Variants in CNIH1 observed in about 807,000 individuals in gnomAD.
The protein encoded by CNIH1 is protein cornichon homolog 1.
Under a neutral mutation model 20.2 loss-of-function variants are expected in CNIH1, and 12 were observed. That is an observed-to-expected ratio of 0.59 (90% confidence interval 0.38 to 0.96). CNIH1 has a LOEUF of 0.96. Ranked by LOEUF, CNIH1 falls within the 40% of genes least tolerant of loss-of-function variation. CNIH1 has a pLI of 0.00. For missense variants in CNIH1, 152 were observed against 178.8 expected, an observed-to-expected ratio of 0.85 and a Z score of 0.85; for synonymous variants, 69 against 63.3, an observed-to-expected ratio of 1.09 and a Z score of -0.43.
chr14:54,430,816 GTTTT>G (rs751971542), intron 3 of CNIH1, among the ~76,000 whole-genome samples: 4 of 151,402 alleles, frequency 2.6e-5, no homozygotes, highest in African/African-American at 4.9e-5. Flanking sequence ...GTTTTTTTTG[GTTTT>G]TTGTTTTGTT....
chr14:54,430,470 C>G (rs1351521617), intron 3 of CNIH1, 66 bp from the exon 4 acceptor site: 1 of 1,481,270 alleles, frequency 6.8e-7, no homozygotes, highest in Non-Finnish European at 9.2e-7. Context: ...GAAAGCAGGT[C>G]TTTCTTCTAA....
chr14:54,430,253 C>T lies in CNIH1; in HGVS notation c.407+8G>A, dbSNP rs2030907059. 1 of 1,613,206 alleles carries T rather than the reference C, an allele frequency of 6.2e-7. No homozygotes were observed. Among genetic ancestry groups the T allele is most frequent in the Non-Finnish European group, 8.5e-7 (1 of 1,179,530 alleles). On this transcript the variant is annotated splice_region_variant and intron_variant, in intron 4 of 4. Transcript: ENST00000216416. ...GAAAGCATATTTCATTTTACCTTTT[C>T]AACTTACCCATATAGGTAGTAAAAA...
intron 1 of CNIH1, among the ~76,000 whole-genome samples, chr14:54,437,691 T>C (rs572357367): frequency 6.4e-4 from 91 of 141,288 alleles, no homozygotes; most frequent in African/African-American, 2.2e-3. Flanking sequence ...AAAAAAAAAA[T>C]GCAGAACTCA....
At position 54,427,589 on chromosome 14, in the gene CNIH1, T is replaced by G; in HGVS notation, c.*225A>C. 1 of 530,108 alleles carries G rather than the reference T, an allele frequency of 1.9e-6. No individual in the cohort carries two copies. The highest frequency in any genetic ancestry group is 3.3e-6 in the Non-Finnish European group (1 of 300,448). The allele number at this position is 530,108 out of a possible 1,614,324, so 32.8% of individuals were successfully genotyped here. ...AACACCAGAGGTAATCATTTTATATTAATTTATACGTAATACCATTTAAAA... is the reference window on the plus strand; with the variant it reads ...AACACCAGAGGTAATCATTTTATATGAATTTATACGTAATACCATTTAAAA... On this transcript the variant is annotated 3_prime_UTR_variant, in exon 5 of 5. Transcript: ENST00000216416.
chr14:54,439,408 C>T (rs1432840273), intron 1 of CNIH1, among the ~76,000 whole-genome samples: 1 of 151,922 alleles, frequency 6.6e-6, no homozygotes, highest in Non-Finnish European at 1.5e-5. Context: ...CCAAACACAA[C>T]CTGGTTCAAA....
chr14:54,426,610 C>T lies in CNIH1; in HGVS notation c.*1204G>A, dbSNP rs1594614677. ...AAGCAGCAGCAAAAACTCAAATTTACAAGCCATTTTACCTTAAAACTGACT... is the reference window on the plus strand; with the variant it reads ...AAGCAGCAGCAAAAACTCAAATTTATAAGCCATTTTACCTTAAAACTGACT... On this transcript the variant is annotated 3_prime_UTR_variant, in exon 5 of 5. Coordinates refer to ENST00000216416, the MANE Select transcript of CNIH1 (RefSeq NM_005776.3). 6.6e-6 allele frequency: 1 copy of T among 152,108 alleles called. No individual in the cohort carries two copies. Among genetic ancestry groups the T allele is most frequent in the Non-Finnish European group, 1.5e-5 (1 of 68,002 alleles). 9.4% of individuals were successfully genotyped at this position (152,108 alleles called of 1,614,324 possible). A position where few individuals can be genotyped will look rare whatever the true frequency, so the allele number is the denominator to read the frequency against.
intron 2 of CNIH1, 53 bp downstream of exon 2, chr14:54,436,316 T>G: frequency 9.2e-7 from 1 of 1,088,716 alleles, no homozygotes; most frequent in South Asian, 1.3e-5. Flanking sequence ...TACTTCAAGT[T>G]AAAAACAAAC....
chr14:54,436,137 C>G, intron 2 of CNIH1: 2 of 703,470 alleles, frequency 2.8e-6, no homozygotes, highest in South Asian at 3.0e-5. Flanking sequence ...CTTTGGCCGA[C>G]AATGTAAAAA....
At chr14:54,431,011 AG>A (rs1272284324) in intron 3 of CNIH1, among the ~76,000 whole-genome samples, 2 of 151,576 alleles carry the variant, frequency 1.3e-5, no homozygotes, top group African/African-American at 4.9e-5. Flanking sequence ...TTTTTTGTAG[AG>A]GGGGGTTTTG....
At position 54,426,706 on chromosome 14, in the gene CNIH1, A is replaced by C. The variant is rs2030834158; in HGVS notation, c.*1108T>G. On this transcript the variant is annotated 3_prime_UTR_variant, in exon 5 of 5. Coordinates refer to ENST00000216416, the MANE Select transcript of CNIH1 (RefSeq NM_005776.3). ...TAATTTTTCTTAATTGGTAAGAGAA[A>C]TGATGATGCTATGCCATCCACGTTT... is the stretch of plus-strand genomic sequence containing the variant. 6.6e-6 allele frequency: 1 copy of C among 152,226 alleles called. No individual in the cohort carries two copies. Among genetic ancestry groups the C allele is most frequent in the South Asian group, 2.1e-4 (1 of 4,838 alleles). 9.4% of individuals were successfully genotyped at this position (152,226 alleles called of 1,614,324 possible).
chr14:54,436,765 T>G (rs2140005773), intron 1 of CNIH1: 1 of 465,378 alleles, frequency 2.1e-6, no homozygotes, highest in South Asian at 1.7e-5. Context: ...TTTCAACTGT[T>G]TATCCAAATT....
At chr14:54,431,428 G>C (rs1026472792) in intron 3 of CNIH1, among the ~76,000 whole-genome samples, 2 of 152,012 alleles carry the variant, frequency 1.3e-5, no homozygotes, top group Non-Finnish European at 1.5e-5. Flanking sequence ...GCCCGGCCAA[G>C]TACATTTTTT....
intron 3 of CNIH1, among the ~76,000 whole-genome samples, chr14:54,430,877 G>A (rs2030928565): frequency 6.6e-6 from 1 of 151,976 alleles, no homozygotes; most frequent in Non-Finnish European, 1.5e-5. Context: ...TGTAACCCAG[G>A]CTGCAATATA....
In CNIH1 at chr14:54,430,286, G is replaced by C; in HGVS notation, c.382C>G (p.Leu128Val). 1 of 1,614,058 alleles carries C rather than the reference G, an allele frequency of 6.2e-7. No individual in the cohort carries two copies. The highest frequency in any genetic ancestry group is 8.5e-7 in the Non-Finnish European group (1 of 1,179,934). ...EGWCKLAFYLLAFFYYLYGMI... is the reference protein window; with the variant it reads ...EGWCKLAFYLVAFFYYLYGMI... Reference sequence around the variant, plus strand: ...CCATATAGGTAGTAAAAAAATGCTAGAAGATAAAAAGCTAATTTGCACCAT... The same window carrying C: ...CCATATAGGTAGTAAAAAAATGCTACAAGATAAAAAGCTAATTTGCACCAT... The change falls in exon 4 of 5, where the codon CTA (leucine) becomes GTA (valine). Residue 128 changes from leucine to valine, a missense_variant. Leu to Val is a conservative substitution (Grantham distance 32). Coordinates refer to ENST00000216416, the MANE Select transcript of CNIH1 (RefSeq NM_005776.3).
intron 1 of CNIH1, among the ~76,000 whole-genome samples, chr14:54,437,441 GTTT>G (rs147431740): frequency 1.3e-5 from 2 of 151,836 alleles, no homozygotes; most frequent in African/African-American, 4.8e-5. Context: ...TAAAAAGACG[GTTT>G]TTTTAATTTC....
At chr14:54,439,326 T>C (rs1426583998) in intron 1 of CNIH1, among the ~76,000 whole-genome samples, 1 of 152,160 alleles carries the variant, frequency 6.6e-6, no homozygotes, top group Non-Finnish European at 1.5e-5. Flanking sequence ...AATTATTTAC[T>C]TCACCCAGAC....
In CNIH1 at chr14:54,425,355, CATA is replaced by C. The variant is rs1276918445; in HGVS notation, c.*2456_*2458del. On this transcript the variant is annotated 3_prime_UTR_variant, in exon 5 of 5. Transcript: ENST00000216416. ...CTAGAAAGCTTTTAAAGATAAAGCA[CATA>C]ATACCAAAAGTAACTGTAATAAGGA... The C allele has an allele frequency of 2.7e-5, 4 of 149,924 alleles. No homozygotes were observed. The highest frequency in any genetic ancestry group is 9.9e-5 in the African/African-American group (4 of 40,506). The allele number at this position is 149,924 out of a possible 1,614,324, so 9.3% of individuals were successfully genotyped here. A position where few individuals can be genotyped will look rare whatever the true frequency, so the allele number is the denominator to read the frequency against.
chr14:54,430,062 T>C, intron 4 of CNIH1, 199 bp downstream of exon 4: 1 of 553,774 alleles, frequency 1.8e-6, no homozygotes, highest in East Asian at 3.1e-5. Context: ...CTTCTGCCTC[T>C]GATGGCAGGC....
intron 3 of CNIH1, among the ~76,000 whole-genome samples, chr14:54,431,771 T>A (rs993911091): frequency 1.3e-5 from 2 of 152,120 alleles, no homozygotes; most frequent in African/African-American, 4.8e-5. Context: ...AGATGGGGCA[T>A]AAGTGAATGC....
Sources: allele counts gnomAD v4.1 joint callset (sites outside exome capture counted in the v4.1 genomes callset), GRCh38; gene constraint gnomAD v4.1.1; transcripts MANE v1.5; gene names NCBI Gene and HGNC (gene_info 2026-07-23, HGNC 2026-07-21).